Variants in SRFBP1 observed in about 807,000 individuals in gnomAD.
The protein encoded by SRFBP1 is serum response factor-binding protein 1.
A neutral mutation model predicts 45.5 loss-of-function variants in SRFBP1; 47 were observed. The ratio of observed to expected loss-of-function variants is 1.03; its 90% confidence interval spans 0.82 to 1.32. The LOEUF is 1.32. Ranked by LOEUF, SRFBP1 falls within the 40% of genes most tolerant of loss-of-function variation. The pLI is 0.00. For missense variants in SRFBP1, 621 were observed against 484.6 expected (o/e 1.28, Z -2.64); for synonymous variants, 203 against 166.3 (o/e 1.22, Z -1.70).
At chr5:122,039,948 T>C (rs1028276721) in intron 2 of SRFBP1, among the ~76,000 whole-genome samples, 1 of 152,168 alleles carries the variant, frequency 6.6e-6, no homozygotes, top group Non-Finnish European at 1.5e-5. Context: ...TGGAGACTCT[T>C]TTTGCTTATC....
chr5:121,998,612 A>C (rs1389530486), intron 4 of SRFBP1, among the ~76,000 whole-genome samples: 1 of 150,688 alleles, frequency 6.6e-6, no homozygotes, highest in East Asian at 2.0e-4. Flanking sequence ...ACGTGTATAC[A>C]TATGTAAGTA....
intron 2 of SRFBP1, among the ~76,000 whole-genome samples, chr5:122,068,102 T>A (rs1264137043): frequency 6.6e-6 from 1 of 151,090 alleles, no homozygotes; most frequent in Non-Finnish European, 1.5e-5. Context: ...CATATTTTCA[T>A]CTGGTTTATA....
intron 2 of SRFBP1, among the ~76,000 whole-genome samples, chr5:122,073,050 T>C (rs762778272): frequency 1.3e-5 from 2 of 152,172 alleles, no homozygotes; most frequent in African/African-American, 4.8e-5. Context: ...GCTATGATGT[T>C]CTAAGCTCAG....
chr5:122,013,386 G>A (rs918749326), intron 4 of SRFBP1, among the ~76,000 whole-genome samples: 1 of 151,670 alleles, frequency 6.6e-6, no homozygotes, highest in Non-Finnish European at 1.5e-5. Flanking sequence ...ATAAAATTAC[G>A]GTACAAAGTA....
rs184839254 is a variant in SRFBP1, at chr5:121,974,534, G to C, written c.125+250G>C. Among the ~76,000 whole-genome samples, 3 of 151,674 alleles carry C rather than the reference G, an allele frequency of 2.0e-5. No homozygotes were observed. In the East Asian group the frequency reaches 5.8e-4, roughly 29 times the overall value. ...TGCTGCTTTTGCAAAACTCTCTTTT[G>C]GTCTTTTTAGAATGAAATTCCCTTG... On this transcript the variant is annotated intron_variant, in intron 2 of 7. Coordinates refer to ENST00000339397, the MANE Select transcript of SRFBP1 (RefSeq NM_152546.3).
intron 2 of SRFBP1, among the ~76,000 whole-genome samples, chr5:122,053,113 T>A (rs923659637): frequency 6.6e-6 from 1 of 152,122 alleles, no homozygotes; most frequent in East Asian, 1.9e-4. Context: ...GCAGACAAGC[T>A]ATGTCCTTGC....
At chr5:121,977,368 T>C (rs2112821444) in intron 3 of SRFBP1, among the ~76,000 whole-genome samples, 1 of 152,256 alleles carries the variant, frequency 6.6e-6, no homozygotes. Context: ...TTTGTAATGC[T>C]TTTTAAAAAC....
chr5:122,038,774 A>T (rs775438467), intron 2 of SRFBP1, among the ~76,000 whole-genome samples: 2 of 152,210 alleles, frequency 1.3e-5, no homozygotes, highest in South Asian at 4.1e-4. Context: ...CCTCTCAAAA[A>T]CTATAGTCAT....
intron 4 of SRFBP1, 62 bp from the exon 5 acceptor site, chr5:122,019,198 C>T: frequency 7.4e-7 from 1 of 1,346,068 alleles, no homozygotes; most frequent in East Asian, 2.3e-5. Flanking sequence ...TTATTTTATT[C>T]ACTTTCAATA....
intron 2 of SRFBP1, chr5:122,070,071 G>A: frequency 6.2e-7 from 1 of 1,611,280 alleles, no homozygotes; most frequent in Non-Finnish European, 8.5e-7. Flanking sequence ...TGTGCAGCCT[G>A]AGGCATACGC....
At chr5:122,006,947 C>T (rs959389104) in intron 4 of SRFBP1, among the ~76,000 whole-genome samples, 10 of 151,954 alleles carry the variant, frequency 6.6e-5, no homozygotes, top group African/African-American at 2.2e-4. Context: ...TTATTTTTGT[C>T]GTGTTGTATC....
chr5:121,995,785 AAG>A (rs1446367677), intron 4 of SRFBP1, among the ~76,000 whole-genome samples: 1 of 151,690 alleles, frequency 6.6e-6, no homozygotes, highest in Admixed American at 6.6e-5. Flanking sequence ...TAAAGAAAAA[AAG>A]AGAGAAGAAT....
intron 2 of SRFBP1, among the ~76,000 whole-genome samples, chr5:122,038,121 C>T (rs1478012427): frequency 2.0e-5 from 3 of 152,126 alleles, no homozygotes; most frequent in African/African-American, 4.8e-5. Context: ...GCCTAAATAA[C>T]GCCATTTGGA....
chr5:122,076,782 G>A, downstream of SRFBP1: 1 of 868,554 alleles, frequency 1.2e-6, no homozygotes, highest in Non-Finnish European at 1.8e-6. Context: ...CCCAGCTCTT[G>A]TCCCACTTCC....
chr5:121,974,443 G>T (rs1752262171), intron 2 of SRFBP1, among the ~76,000 whole-genome samples, 159 bp downstream of exon 2: 1 of 151,888 alleles, frequency 6.6e-6, no homozygotes, highest in Non-Finnish European at 1.5e-5. Context: ...GAGATAGAAT[G>T]TGCTGTGTCA....
At chr5:122,075,373 C>A in exon 3 of SRFBP1, 2 of 1,550,886 alleles carry the variant, frequency 1.3e-6, no homozygotes, top group Non-Finnish European at 1.7e-6. Flanking sequence ...GAAAAGCAAC[C>A]CAAAAGTACC....
chr5:122,001,363 C>T (rs898426809), intron 4 of SRFBP1, among the ~76,000 whole-genome samples: 97 of 149,910 alleles, frequency 6.5e-4, no homozygotes, highest in African/African-American at 1.9e-3. Flanking sequence ...GCCATGATTT[C>T]CAAAATCATG....
intron 4 of SRFBP1, among the ~76,000 whole-genome samples, chr5:122,018,297 G>C (rs1438971067): frequency 6.6e-6 from 1 of 152,208 alleles, no homozygotes; most frequent in African/African-American, 2.4e-5. Flanking sequence ...AGAGTGACCA[G>C]GCATAAGTTT....
Position 122,005,835 on chromosome 5 carries a change from G to A in SRFBP1, c.270+11165G>A, listed in dbSNP as rs187992888. ...TTATTCCTCCTCCTCCTGCATTTAG[G>A]TGTTATAATTTACGTGTATATTCTT... is the stretch of plus-strand genomic sequence containing the variant. On this transcript the variant is annotated intron_variant, in intron 4 of 7. Coordinates refer to ENST00000339397, the MANE Select transcript of SRFBP1 (RefSeq NM_152546.3). Among the ~76,000 whole-genome samples the A allele has an allele frequency of 6.1e-4, 93 of 151,988 alleles. No individual in the cohort carries two copies. The East Asian group carries it at 0.016, about 26-fold the overall frequency.
Sources: gnomAD v4.1 joint callset for allele counts (sites outside exome capture counted in the v4.1 genomes callset) on GRCh38, gnomAD v4.1.1 for gene constraint, MANE v1.5 for transcripts, NCBI Gene and HGNC (gene_info 2026-07-23, HGNC 2026-07-21) for gene names.